PDLIM3: variants seen among roughly 807,000 people sequenced by gnomAD.
The protein encoded by PDLIM3 is PDZ and LIM domain 3.
PDLIM3 carries 36 observed loss-of-function variants against 37.3 expected under a neutral mutation model. The ratio of observed to expected loss-of-function variants is 0.97; its 90% CI spans 0.74 to 1.28. The LOEUF (loss-of-function observed/expected upper bound fraction) is 1.28, where lower values mean the gene tolerates loss of function less well. PDLIM3 is among the 50% of genes most tolerant of loss of function. The pLI, the probability that PDLIM3 is intolerant of heterozygous loss-of-function variation, is 0.00. For synonymous variants in PDLIM3, 174 were observed against 182.4 expected (o/e 0.95, Z 0.37); for missense variants, 454 against 485.0 (o/e 0.94, Z 0.60).
At position 185,504,611 on chromosome 4, in the gene PDLIM3, A is replaced by G. The variant is rs376705229; in HGVS notation, c.794-25T>C. 4.7e-5 allele frequency: 74 copies of G among 1,579,808 alleles called. No homozygotes were observed. The highest frequency in any genetic ancestry group is 5.7e-5 in the Non-Finnish European group (66 of 1,150,512). On this transcript the variant is annotated intron_variant, in intron 6 of 7. Coordinates refer to ENST00000284767, the MANE Select transcript of PDLIM3 (RefSeq NM_014476.6). This position sits in a 1 kb window ranked among gnomAD's most constrained non-coding sequence, Gnocchi z 4.7. ...TCTGAAAAACAAAGCGTTTCCATTT[A>G]TGGCTAGGGAACAGCTGGCCGCAGC...
intron 4 of PDLIM3, chr4:185,512,834 T>C (rs1400338106): frequency 1.0e-6 from 1 of 983,390 alleles, no homozygotes; most frequent in African/African-American, 1.8e-5. Flanking sequence ...GTTATTGGGG[T>C]TGGGTTGGGG....
At chr4:185,528,805 T>C (rs759294427) in intron 1 of PDLIM3, among the ~76,000 whole-genome samples, 26 of 152,240 alleles carry the variant, frequency 1.7e-4, no homozygotes, top group Non-Finnish European at 3.7e-4. Context: ...ATGATGTCTT[T>C]ACTTTTTCCT....
intron 4 of PDLIM3, among the ~76,000 whole-genome samples, chr4:185,511,403 C>T (rs1481005858): frequency 6.6e-6 from 1 of 151,760 alleles, no homozygotes; most frequent in Non-Finnish European, 1.5e-5. Flanking sequence ...CACTCTGTTA[C>T]CCATCTGGAG....
At position 185,504,732 on chromosome 4, in the gene PDLIM3, A is replaced by G; in HGVS notation, c.794-146T>C. On this transcript the variant is annotated intron_variant, in intron 6 of 7. Transcript: ENST00000284767. This position sits in a 1 kb window ranked among gnomAD's most constrained non-coding sequence, Gnocchi z 4.7. ...GGCAGGACTGATGCAATCATAAGGGACGCTGTTCTGAAATAGGGCATTATA... is the reference window on the plus strand; with the variant it reads ...GGCAGGACTGATGCAATCATAAGGGGCGCTGTTCTGAAATAGGGCATTATA... 1 of 688,766 alleles carries G rather than the reference A, an allele frequency of 1.5e-6. No individual in the cohort carries two copies. Among genetic ancestry groups the G allele is most frequent in the Non-Finnish European group, 2.6e-6 (1 of 379,608 alleles). 42.7% of individuals were successfully genotyped at this position (688,766 alleles called of 1,614,324 possible). A position where few individuals can be genotyped will look rare whatever the true frequency, so the allele number is the denominator to read the frequency against.
intron 5 of PDLIM3, 61 bp from the exon 6 acceptor site, chr4:185,506,713 G>A: frequency 6.5e-7 from 1 of 1,540,792 alleles, no homozygotes. Flanking sequence ...ACGTGCAAGA[G>A]GCCAGAGACA....
At chr4:185,503,196 C>T (rs2095690318) in intron 7 of PDLIM3, among the ~76,000 whole-genome samples, 1 of 152,066 alleles carries the variant, frequency 6.6e-6, no homozygotes, top group Non-Finnish European at 1.5e-5. Context: ...TGCACTCCAG[C>T]CTGGGCGACA....
At chr4:185,520,218 T>C (rs1355187940) in intron 3 of PDLIM3, among the ~76,000 whole-genome samples, 1 of 152,142 alleles carries the variant, frequency 6.6e-6, no homozygotes, top group East Asian at 1.9e-4. Flanking sequence ...AGTACCAAGT[T>C]ACATAAACTG....
intron 1 of PDLIM3, among the ~76,000 whole-genome samples, chr4:185,529,649 C>G (rs2095740467): frequency 6.6e-6 from 1 of 152,200 alleles, no homozygotes; most frequent in Non-Finnish European, 1.5e-5. Context: ...CTGCATGCAC[C>G]TGGGCATGGC....
At chr4:185,533,837 A>G (rs1393114536) in intron 1 of PDLIM3, among the ~76,000 whole-genome samples, 1 of 152,196 alleles carries the variant, frequency 6.6e-6, no homozygotes, top group Admixed American at 6.5e-5. Context: ...TAAACACCTT[A>G]AAAGTTTTCG....
At chr4:185,519,168 A>G (rs1263327845) in intron 3 of PDLIM3, among the ~76,000 whole-genome samples, 1 of 152,232 alleles carries the variant, frequency 6.6e-6, no homozygotes, top group Non-Finnish European at 1.5e-5. Flanking sequence ...CATGGAAGGC[A>G]TTTATTCAGG....
At position 185,525,005 on chromosome 4, in the gene PDLIM3, T is replaced by C. The variant is rs754729968; in HGVS notation, c.245+15A>G. The C allele has an allele frequency of 1.2e-6, 2 of 1,613,074 alleles. No homozygotes were observed. The highest frequency in any genetic ancestry group is 1.3e-5 in the African/African-American group (1 of 74,890). ...CAAAACAGATCAGATTTAAGCACCA[T>C]TAGTTAAGAAGCACCTGTCAATTTT... On this transcript the variant is annotated intron_variant, in intron 2 of 7. Transcript: ENST00000284767.
chr4:185,530,560 T>G (rs1481578823), intron 1 of PDLIM3, among the ~76,000 whole-genome samples: 2 of 152,230 alleles, frequency 1.3e-5, no homozygotes, highest in Non-Finnish European at 2.9e-5. Flanking sequence ...TTTTATATCA[T>G]GTACACAAAA....
At chr4:185,533,740 T>C (rs529371001) in intron 1 of PDLIM3, among the ~76,000 whole-genome samples, 3 of 152,316 alleles carry the variant, frequency 2.0e-5, no homozygotes, top group African/African-American at 4.8e-5. Flanking sequence ...AAAATAAACA[T>C]TTATAATGTC....
Position 185,514,503 on chromosome 4 carries a change from A to T in PDLIM3, c.331-166T>A. The T allele has an allele frequency of 6.9e-7, 1 of 1,441,716 alleles. No homozygotes were observed. Among genetic ancestry groups the T allele is most frequent in the Non-Finnish European group, 9.5e-7 (1 of 1,050,080 alleles). The allele number at this position is 1,441,716 out of a possible 1,614,324, so 89.3% of individuals were successfully genotyped here. A position where few individuals can be genotyped will look rare whatever the true frequency, so the allele number is the denominator to read the frequency against. On this transcript the variant is annotated intron_variant, in intron 3 of 7. Coordinates refer to ENST00000284767, the MANE Select transcript of PDLIM3 (RefSeq NM_014476.6). The surrounding 1 kb of genome is among the most constrained non-coding windows in gnomAD (Gnocchi z 4.0). ...GACGATGTCTTCTTTCCAACCATCT[A>T]TCCGCTAAACGGTCAGGCACTGGCG...
intron 1 of PDLIM3, among the ~76,000 whole-genome samples, chr4:185,530,842 G>A (rs1026494309): frequency 6.6e-6 from 1 of 151,954 alleles, no homozygotes; most frequent in Non-Finnish European, 1.5e-5. Context: ...TTATCAGATC[G>A]GCTGTCACAG....
chr4:185,519,308 C>T (rs776723540), intron 3 of PDLIM3, among the ~76,000 whole-genome samples: 46 of 152,092 alleles, frequency 3.0e-4, no homozygotes, highest in Non-Finnish European at 5.6e-4. Flanking sequence ...ATTTGTGAGA[C>T]GGAGTCTTAC....
At chr4:185,528,512 C>T (rs1159084140) in intron 1 of PDLIM3, among the ~76,000 whole-genome samples, 1 of 152,226 alleles carries the variant, frequency 6.6e-6, no homozygotes, top group Non-Finnish European at 1.5e-5. Context: ...CCTTCTCACA[C>T]GTTTGACCAT....
chr4:185,528,709 C>T (rs1226840262), intron 1 of PDLIM3, among the ~76,000 whole-genome samples: 2 of 152,174 alleles, frequency 1.3e-5, no homozygotes, highest in African/African-American at 2.4e-5. Flanking sequence ...TTGTATTCAA[C>T]CTGGTTATTG....
At chr4:185,516,718 C>T (rs1203457580) in intron 3 of PDLIM3, 1 of 152,206 alleles carries the variant, frequency 6.6e-6, no homozygotes, top group Non-Finnish European at 1.5e-5. Context: ...GCTTCAAATC[C>T]TAGCCTAGGA....
Sources: gnomAD v4.1 joint callset for allele counts (sites outside exome capture counted in the v4.1 genomes callset) on GRCh38, gnomAD v4.1.1 for gene constraint, Gnocchi (gnomAD v3.1) non-coding constraint, MANE v1.5 for transcripts, NCBI Gene and HGNC (gene_info 2026-07-23, HGNC 2026-07-21) for gene names.